PALLD: variants seen among roughly 807,000 people sequenced by gnomAD.
The protein encoded by PALLD is palladin, cytoskeletal associated protein, also known as palladin.
A neutral mutation model predicts 123.5 loss-of-function variants in PALLD; 61 were observed. That is an observed-to-expected ratio of 0.49 (90% CI 0.40 to 0.61). The LOEUF (loss-of-function observed/expected upper bound fraction) is 0.61. PALLD is among the 20% of genes least tolerant of loss of function. The pLI, the probability that PALLD is intolerant of heterozygous loss-of-function variation, is 0.00. For synonymous variants in PALLD, 465 were observed against 496.4 expected (o/e 0.94, Z 0.84); for missense variants, 1,273 against 1,377.0 (o/e 0.92, Z 1.20).
At chr4:168,725,206 G>A (rs191224051) in intron 10 of PALLD, among the ~76,000 whole-genome samples, 71 of 152,316 alleles carry the variant, frequency 4.7e-4, no homozygotes, top group African/African-American at 1.6e-3. Flanking sequence ...AAGAGTAGGT[G>A]TAGCCATCGA....
At chr4:168,632,720 A>G (rs1387531667) in intron 2 of PALLD, among the ~76,000 whole-genome samples, 1 of 152,158 alleles carries the variant, frequency 6.6e-6, no homozygotes, top group Non-Finnish European at 1.5e-5. Flanking sequence ...GACATTCTCC[A>G]TTAGTTTTTA....
At chr4:168,581,519 T>A (rs1284119257) in intron 2 of PALLD, among the ~76,000 whole-genome samples, 1 of 152,148 alleles carries the variant, frequency 6.6e-6, no homozygotes, top group Non-Finnish European at 1.5e-5. Flanking sequence ...TGCTTTTTCA[T>A]GTATTTGTTG....
chr4:168,547,837 C>G (rs533554029), intron 2 of PALLD, among the ~76,000 whole-genome samples: 1 of 151,734 alleles, frequency 6.6e-6, no homozygotes, highest in South Asian at 2.1e-4. Flanking sequence ...TCCCAGCTAC[C>G]CAGGAGGCTG....
At chr4:168,653,568 A>G (rs1375188647) in intron 2 of PALLD, among the ~76,000 whole-genome samples, 1 of 152,220 alleles carries the variant, frequency 6.6e-6, no homozygotes, top group Admixed American at 6.5e-5. Context: ...GGCAGAAATC[A>G]CATTATCTAG....
At chr4:168,533,599 T>C (rs1764812026) in intron 2 of PALLD, among the ~76,000 whole-genome samples, 1 of 152,178 alleles carries the variant, frequency 6.6e-6, no homozygotes, top group Non-Finnish European at 1.5e-5. Flanking sequence ...GTTACGGACT[T>C]GAGTCTGAGG....
At chr4:168,532,523 T>G (rs991260228) in intron 2 of PALLD, among the ~76,000 whole-genome samples, 2 of 113,998 alleles carry the variant, frequency 1.8e-5, no homozygotes, top group East Asian at 4.5e-4. Context: ...TAAATCCCAA[T>G]TAACAAAATA....
chr4:168,806,870 G>A lies in PALLD; in HGVS notation c.1965-84052G>A, dbSNP rs1316577860. 2.6e-5 allele frequency among the ~76,000 whole-genome samples: 4 copies of A among 151,916 alleles called. No homozygotes were observed. In the East Asian group the frequency reaches 5.8e-4, roughly 22 times the overall value. ...TGACAAGATGTATAGAGATGTGTGT[G>A]TATATATATATACACATATATGTGT... On this transcript the variant is annotated intron_variant, in intron 10 of 21. Coordinates refer to ENST00000505667, the MANE Select transcript of PALLD (RefSeq NM_001166108.2).
chr4:168,718,782 T>C (rs1052480992), intron 10 of PALLD, among the ~76,000 whole-genome samples: 1 of 152,224 alleles, frequency 6.6e-6, no homozygotes, highest in Non-Finnish European at 1.5e-5. Context: ...GCACCATGCC[T>C]TTTCTATTTA....
At chr4:168,592,872 A>T (rs1011066150) in intron 2 of PALLD, among the ~76,000 whole-genome samples, 2 of 152,178 alleles carry the variant, frequency 1.3e-5, no homozygotes, top group African/African-American at 2.4e-5. Flanking sequence ...CTTGAAGAGG[A>T]ATCTAGGTCA....
At chr4:168,791,143 C>T (rs974391165) in intron 10 of PALLD, among the ~76,000 whole-genome samples, 1 of 152,136 alleles carries the variant, frequency 6.6e-6, no homozygotes, top group Non-Finnish European at 1.5e-5. Flanking sequence ...TGTTTGCAGC[C>T]CTGACCTAAA....
In PALLD at chr4:168,734,329, G is replaced by C. The variant is rs2062591; in HGVS notation, c.1964+22406G>C. Among the ~76,000 whole-genome samples the C allele has an allele frequency of 0.031, 4,688 of 151,722 alleles. 335 individuals carry two copies. The East Asian group carries it at 0.31, about 10-fold the overall frequency. ...CTGTGTTCAGTAGGTGGAGAAGCCA[G>C]CTACATCCTGCTGACACAAAGCTAA... is the stretch of plus-strand genomic sequence containing the variant. On this transcript the variant is annotated intron_variant, in intron 10 of 21. Coordinates refer to ENST00000505667, the MANE Select transcript of PALLD (RefSeq NM_001166108.2).
intron 2 of PALLD, among the ~76,000 whole-genome samples, chr4:168,538,868 T>C (rs1765339341): frequency 6.6e-6 from 1 of 152,192 alleles, no homozygotes; most frequent in Non-Finnish European, 1.5e-5. Context: ...ATTGTGTCTT[T>C]CTCTAGGATT....
rs1581323738 is a variant in PALLD, at chr4:168,759,205, ATATATATATATATATATATATATAT to A, written c.1964+47283_1964+47307del. On this transcript the variant is annotated intron_variant, in intron 10 of 21. Coordinates refer to ENST00000505667, the MANE Select transcript of PALLD (RefSeq NM_001166108.2). Reference sequence around the variant, plus strand: ...AAAAAAAAAAAAAAAAAAAAAAAATATATATATATATATATATATATATATATATATATATATATAGAAACAATAT... The same window carrying A: ...AAAAAAAAAAAAAAAAAAAAAAAATAATATATATATATATAGAAACAATAT... 1.3e-3 allele frequency among the ~76,000 whole-genome samples: 57 copies of A among 45,244 alleles called. 7 individuals carry two copies. Among genetic ancestry groups the A allele is most frequent in the East Asian group, 0.012 (9 of 754 alleles). 29.7% of individuals were successfully genotyped at this position (45,244 alleles called of 152,430 possible).
intron 14 of PALLD, among the ~76,000 whole-genome samples, chr4:168,903,529 A>AT (rs1267288792): frequency 6.6e-6 from 1 of 152,222 alleles, no homozygotes; most frequent in Non-Finnish European, 1.5e-5. Flanking sequence ...TAAGTGCAAT[A>AT]TTTTTAAAAA....
intron 10 of PALLD, chr4:168,832,192 C>T (rs1160224037): frequency 9.1e-6 from 9 of 985,512 alleles, no homozygotes; most frequent in Non-Finnish European, 1.1e-5. Context: ...GGAATCGGCC[C>T]TGAGGCTGGT....
At chr4:168,498,859 T>A (rs1761028026) in intron 1 of PALLD, among the ~76,000 whole-genome samples, 1 of 152,090 alleles carries the variant, frequency 6.6e-6, no homozygotes, top group Admixed American at 6.5e-5. Flanking sequence ...GGACTCAGTA[T>A]GGTGAATAAA....
At chr4:168,745,659 G>A (rs1730193004) in intron 10 of PALLD, among the ~76,000 whole-genome samples, 1 of 152,150 alleles carries the variant, frequency 6.6e-6, no homozygotes, top group Admixed American at 6.5e-5. Context: ...GGAAGTATGT[G>A]TTAAGAGTTC....
At chr4:168,778,033 A>G (rs564795596) in intron 10 of PALLD, among the ~76,000 whole-genome samples, 2 of 152,344 alleles carry the variant, frequency 1.3e-5, no homozygotes, top group East Asian at 3.9e-4. Context: ...GTCTTGGATG[A>G]ACTTTGTGAA....
At chr4:168,568,987 T>A (rs916299604) in intron 2 of PALLD, among the ~76,000 whole-genome samples, 2 of 151,716 alleles carry the variant, frequency 1.3e-5, no homozygotes, top group African/African-American at 4.8e-5. Flanking sequence ...AAGACTAATT[T>A]AAAAAAAAGA....
Sources: allele counts gnomAD v4.1 joint callset (sites outside exome capture counted in the v4.1 genomes callset), GRCh38; gene constraint gnomAD v4.1.1; transcripts MANE v1.5; gene names NCBI Gene and HGNC (gene_info 2026-07-23, HGNC 2026-07-21).